The following RBFOX1 variants were observed in gnomAD, a reference collection of about 807,000 sequenced individuals.
RBFOX1 encodes the protein RNA binding fox-1 homolog 1.
RBFOX1 carries 8 observed loss-of-function variants against 57.7 expected under a neutral mutation model. That is an observed-to-expected ratio of 0.14 (90% CI 0.08 to 0.25). RBFOX1 has a LOEUF of 0.25. Ranked by LOEUF, RBFOX1 falls within the 10% of genes least tolerant of loss-of-function variation. The probability of loss-of-function intolerance (pLI) is 1.00; values close to 1 mark genes in which losing one functional copy is unlikely to be tolerated. For missense variants in RBFOX1, 611 were observed against 548.5 expected (o/e 1.11, Z -1.14); for synonymous variants, 326 against 222.4 (o/e 1.47, Z -4.15).
chr16:6,816,095 C>G (rs116706810), intron 3 of RBFOX1, among the ~76,000 whole-genome samples: 1,802 of 152,206 alleles, frequency 0.012, 40 homozygotes, highest in African/African-American at 0.041. Context: ...ATTGCTTGAG[C>G]TGAGGAGTTC....
At chr16:5,501,131 C>T (rs753337580) in intron 2 of RBFOX1, among the ~76,000 whole-genome samples, 1 of 151,952 alleles carries the variant, frequency 6.6e-6, no homozygotes, top group Non-Finnish European at 1.5e-5. Context: ...GCTTGGCCAA[C>T]ATGGTGAAAC....
intron 2 of RBFOX1, among the ~76,000 whole-genome samples, chr16:6,648,312 C>G (rs1406055562): frequency 6.6e-6 from 1 of 150,912 alleles, no homozygotes; most frequent in Admixed American, 6.6e-5. Flanking sequence ...CCTCTGGACT[C>G]GGCCTCCCAA....
At chr16:7,543,423 A>T (rs1446582872) in intron 5 of RBFOX1, among the ~76,000 whole-genome samples, 1 of 152,160 alleles carries the variant, frequency 6.6e-6, no homozygotes, top group Non-Finnish European at 1.5e-5. Context: ...ATCACTGCCA[A>T]GGACTGGGTG....
intron 1 of RBFOX1, among the ~76,000 whole-genome samples, chr16:5,382,607 G>A (rs919026489): frequency 6.7e-4 from 102 of 152,278 alleles, no homozygotes; most frequent in African/African-American, 2.2e-3. Context: ...TAAGGTTCTA[G>A]TAGATGTACT....
At chr16:5,343,727 G>T (rs192865385) in intron 1 of RBFOX1, among the ~76,000 whole-genome samples, 1 of 152,206 alleles carries the variant, frequency 6.6e-6, no homozygotes, top group African/African-American at 2.4e-5. Context: ...GGTTGACCTG[G>T]TGACTATGTC....
At chr16:7,610,965 TGAA>T (rs2057360451) in intron 10 of RBFOX1, among the ~76,000 whole-genome samples, 1 of 120,250 alleles carries the variant, frequency 8.3e-6, no homozygotes. Flanking sequence ...AAAGCTGAAA[TGAA>T]GACCCCTTGT....
At chr16:5,316,516 C>G (rs1596496017) in intron 1 of RBFOX1, among the ~76,000 whole-genome samples, 1 of 152,318 alleles carries the variant, frequency 6.6e-6, no homozygotes, top group South Asian at 2.1e-4. Flanking sequence ...GATAAACGTG[C>G]TTGATTTCTG....
At chr16:7,669,394 A>G (rs1188160135) in intron 13 of RBFOX1, among the ~76,000 whole-genome samples, 1 of 152,240 alleles carries the variant, frequency 6.6e-6, no homozygotes, top group Admixed American at 6.5e-5. Flanking sequence ...TGAACTGTTA[A>G]AAAGAATTGA....
At chr16:6,756,501 A>G (rs948306025) in intron 3 of RBFOX1, among the ~76,000 whole-genome samples, 6 of 152,188 alleles carry the variant, frequency 3.9e-5, no homozygotes, top group Non-Finnish European at 8.8e-5. Context: ...GGCACAACAA[A>G]GGAAACAATG....
intron 1 of RBFOX1, among the ~76,000 whole-genome samples, chr16:6,232,007 A>G (rs2097465464): frequency 6.6e-6 from 1 of 152,210 alleles, no homozygotes; most frequent in Non-Finnish European, 1.5e-5. Context: ...CGTTTGCAAT[A>G]TTATTAGTGT....
chr16:6,288,499 A>T (rs1163528712), intron 1 of RBFOX1, among the ~76,000 whole-genome samples: 1 of 152,210 alleles, frequency 6.6e-6, no homozygotes, highest in African/African-American at 2.4e-5. Flanking sequence ...ACTATTGTAC[A>T]TACATGATTT....
intron 3 of RBFOX1, among the ~76,000 whole-genome samples, chr16:6,756,038 C>A (rs1487540759): frequency 2.1e-4 from 32 of 152,162 alleles, no homozygotes; most frequent in Admixed American, 2.1e-3. Context: ...TGACAGTACA[C>A]AATGAGGTGC....
At position 6,869,637 on chromosome 16, in the gene RBFOX1, C is replaced by G. The variant is rs141354306; in HGVS notation, c.-15-182420C>G. Among the ~76,000 whole-genome samples, 514 of 152,256 alleles carry G rather than the reference C, an allele frequency of 3.4e-3. 4 individuals carry two copies. The highest frequency in any genetic ancestry group is 6.6e-3 in the Admixed American group (101 of 15,294). On this transcript the variant is annotated intron_variant, in intron 3 of 15. Coordinates refer to ENST00000550418, the MANE Select transcript of RBFOX1 (RefSeq NM_018723.4). ...ATATAATTGGAATCTGTTTTCAACTCTGACGTGTTAGAACTAGGATTTTTA... is the reference window on the plus strand; with the variant it reads ...ATATAATTGGAATCTGTTTTCAACTGTGACGTGTTAGAACTAGGATTTTTA...
chr16:7,431,666 A>T (rs1288825263), intron 4 of RBFOX1, among the ~76,000 whole-genome samples: 1 of 152,222 alleles, frequency 6.6e-6, no homozygotes, highest in Non-Finnish European at 1.5e-5. Context: ...TTATTACTTC[A>T]AAAGGAACCC....
At chr16:5,574,827 A>T (rs2046401297) in intron 2 of RBFOX1, among the ~76,000 whole-genome samples, 1 of 152,132 alleles carries the variant, frequency 6.6e-6, no homozygotes, top group African/African-American at 2.4e-5. Context: ...TTGTTGTCTC[A>T]TTTTGCAAGA....
chr16:7,180,906 G>A (rs970077719), intron 4 of RBFOX1, among the ~76,000 whole-genome samples: 1 of 152,222 alleles, frequency 6.6e-6, no homozygotes, highest in Admixed American at 6.5e-5. Context: ...CAGAGGGTCA[G>A]ATAATAAATA....
intron 3 of RBFOX1, chr16:6,723,663 T>C (rs2066495129): frequency 6.6e-6 from 1 of 152,200 alleles, no homozygotes; most frequent in African/African-American, 2.4e-5. Context: ...ATTAGTATTT[T>C]TGAGGAGCAA....
chr16:7,269,197 G>T (rs188685743), intron 4 of RBFOX1, among the ~76,000 whole-genome samples: 54 of 152,090 alleles, frequency 3.6e-4, no homozygotes, highest in Middle Eastern at 3.4e-3. Context: ...TATACAGCAC[G>T]TTGGTGACTT....
intron 2 of RBFOX1, among the ~76,000 whole-genome samples, chr16:5,549,941 C>T (rs916379848): frequency 2.4e-4 from 36 of 152,244 alleles, no homozygotes; most frequent in African/African-American, 7.0e-4. Context: ...TAGATGTTTG[C>T]ATGTGTATGT....
Sources: allele counts gnomAD v4.1 joint callset (sites outside exome capture counted in the v4.1 genomes callset), GRCh38; gene constraint gnomAD v4.1.1; transcripts MANE v1.5; gene names NCBI Gene and HGNC (gene_info 2026-07-23, HGNC 2026-07-21).